RALGPS1: variants seen among roughly 807,000 people sequenced by gnomAD.
RALGPS1 encodes Ral GEF with PH domain and SH3 binding motif 1, also known as ras-specific guanine nucleotide-releasing factor RalGPS1.
In RALGPS1, 19 loss-of-function variants were observed where a neutral mutation model predicts 78.8. The observed-to-expected ratio is 0.24, with a 90% confidence interval of 0.17 to 0.35. RALGPS1 has a LOEUF of 0.35. Ranked by LOEUF, RALGPS1 falls within the 10% of genes least tolerant of loss-of-function variation. RALGPS1 has a pLI of 1.00. For missense variants in RALGPS1, 454 were observed against 688.3 expected, an observed-to-expected ratio of 0.66 and a Z score of 3.81; for synonymous variants, 228 against 256.3, an observed-to-expected ratio of 0.89 and a Z score of 1.06.
intron 1 of RALGPS1, among the ~76,000 whole-genome samples, chr9:126,959,683 A>G (rs944194522): frequency 6.6e-6 from 1 of 151,732 alleles, no homozygotes; most frequent in Non-Finnish European, 1.5e-5. Context: ...TACCCTCTTG[A>G]CTAGATTCAG....
chr9:127,011,024 A>T (rs2044289173), intron 4 of RALGPS1, among the ~76,000 whole-genome samples: 1 of 151,528 alleles, frequency 6.6e-6, no homozygotes. Context: ...TCTGGGGTGG[A>T]AGGAGTCCTA....
chr9:126,940,208 C>T (rs759780464), intron 1 of RALGPS1, among the ~76,000 whole-genome samples: 2 of 152,094 alleles, frequency 1.3e-5, no homozygotes, highest in Non-Finnish European at 2.9e-5. Context: ...CAGCCCGCCT[C>T]TCACTCCACT....
intron 4 of RALGPS1, among the ~76,000 whole-genome samples, chr9:126,979,562 G>A (rs990860198): frequency 8.5e-5 from 13 of 152,178 alleles, no homozygotes; most frequent in African/African-American, 2.9e-4. Flanking sequence ...ATCAAGGAGG[G>A]CAGCCCACCT....
chr9:127,049,544 T>C lies in RALGPS1; in HGVS notation c.301-499T>C, dbSNP rs565054873. Among the ~76,000 whole-genome samples the C allele has an allele frequency of 6.6e-5, 10 of 152,342 alleles. No homozygotes were observed. In the South Asian group the frequency reaches 1.9e-3, roughly 28 times the overall value. On this transcript the variant is annotated intron_variant, in intron 5 of 18. Coordinates refer to ENST00000259351, the MANE Select transcript of RALGPS1 (RefSeq NM_014636.3). Reference sequence around the variant, plus strand: ...GCCTCTCCCAAAAAATTAAATTTGTTAAAATTGTGCAAATATTGATGAATC... The same window carrying C: ...GCCTCTCCCAAAAAATTAAATTTGTCAAAATTGTGCAAATATTGATGAATC...
rs10665183 is a variant in RALGPS1 at position 126,953,374 on chromosome 9, C to CGTGT, written c.-65-8837_-65-8834dup. ...ATGTGTGTGCATGTACACGTGCATGCGTGTGTGTGTGTGTGTGCGCGTGTG... is the reference window on the plus strand; with the variant it reads ...ATGTGTGTGCATGTACACGTGCATGCGTGTGTGTGTGTGTGTGTGTGCGCGTGTG... On this transcript the variant is annotated intron_variant, in intron 1 of 18. Transcript: ENST00000259351. 1.8e-4 allele frequency among the ~76,000 whole-genome samples: 27 copies of CGTGT among 150,170 alleles called. 1 individual carries two copies. In the East Asian group the frequency reaches 2.8e-3, roughly 15 times the overall value.
intron 7 of RALGPS1, among the ~76,000 whole-genome samples, chr9:127,064,719 A>T (rs1194965546): frequency 1.3e-5 from 2 of 152,228 alleles, no homozygotes; most frequent in Non-Finnish European, 2.9e-5. Flanking sequence ...CCTCAAACAC[A>T]TTCATCATTA....
chr9:127,040,855 A>G (rs973463844), intron 5 of RALGPS1, among the ~76,000 whole-genome samples: 16 of 152,238 alleles, frequency 1.1e-4, no homozygotes, highest in African/African-American at 3.6e-4. Flanking sequence ...TATGTAGTTA[A>G]CATTCATCCA....
chr9:127,003,225 C>T (rs920222311), intron 4 of RALGPS1, among the ~76,000 whole-genome samples: 1 of 152,102 alleles, frequency 6.6e-6, no homozygotes, highest in Non-Finnish European at 1.5e-5. Context: ...AACTAAAGAG[C>T]TTCTGCACAG....
chr9:127,157,672 G>A (rs1474692772), intron 8 of RALGPS1, among the ~76,000 whole-genome samples: 1 of 151,884 alleles, frequency 6.6e-6, no homozygotes, highest in East Asian at 1.9e-4. Context: ...GAATGACATT[G>A]ATTTATGTAT....
intron 1 of RALGPS1, among the ~76,000 whole-genome samples, chr9:126,943,767 C>T (rs980761277): frequency 1.4e-4 from 22 of 152,190 alleles, no homozygotes; most frequent in African/African-American, 5.1e-4. Flanking sequence ...ACCTTGCCCA[C>T]CCTGCCTGTC....
intron 11 of RALGPS1, among the ~76,000 whole-genome samples, chr9:127,180,094 T>C (rs2060122625): frequency 6.6e-6 from 1 of 152,200 alleles, no homozygotes; most frequent in South Asian, 2.1e-4. Flanking sequence ...ACGTTTTCCA[T>C]TTTCCCTCCA....
chr9:127,009,287 A>G (rs1049446110), intron 4 of RALGPS1, among the ~76,000 whole-genome samples: 4 of 151,556 alleles, frequency 2.6e-5, no homozygotes, highest in African/African-American at 9.7e-5. Context: ...CCCCTGAACG[A>G]CTCTTTGTTC....
intron 1 of RALGPS1, among the ~76,000 whole-genome samples, chr9:126,956,066 T>TG (rs1203100990): frequency 6.6e-6 from 1 of 152,218 alleles, no homozygotes; most frequent in Non-Finnish European, 1.5e-5. Context: ...TGTCCCTGCA[T>TG]GGGGCCACTG....
intron 8 of RALGPS1, among the ~76,000 whole-genome samples, chr9:127,118,888 A>G (rs761908029): frequency 8.5e-5 from 13 of 152,048 alleles, no homozygotes; most frequent in African/African-American, 1.4e-4. Context: ...GTAGCTACCC[A>G]TTGCCATCTC....
intron 8 of RALGPS1, among the ~76,000 whole-genome samples, chr9:127,082,138 A>G (rs1387013823): frequency 6.6e-6 from 1 of 152,184 alleles, no homozygotes; most frequent in Non-Finnish European, 1.5e-5. Flanking sequence ...CACTACTGGA[A>G]CCCAGTTACC....
Position 127,090,332 on chromosome 9 carries a change from TC to T in RALGPS1, c.610+20979del, listed in dbSNP as rs1433338859. ...CAGAAAGGCTGTAGCAGCCCCTGTG[TC>T]CCAGGGTCTGACCAGCTCTGAAGGT... On this transcript the variant is annotated intron_variant, in intron 8 of 18. Coordinates refer to ENST00000259351, the MANE Select transcript of RALGPS1 (RefSeq NM_014636.3). Among the ~76,000 whole-genome samples, 3 of 152,372 alleles carry T rather than the reference TC, an allele frequency of 2.0e-5. No individual in the cohort carries two copies. The East Asian group carries it at 5.8e-4, about 29-fold the overall frequency.
At chr9:127,035,711 G>A (rs1255112963) in intron 5 of RALGPS1, among the ~76,000 whole-genome samples, 1 of 152,160 alleles carries the variant, frequency 6.6e-6, no homozygotes, top group Non-Finnish European at 1.5e-5. Flanking sequence ...GCACCAGCTT[G>A]TAGTTTGAAG....
chr9:127,082,436 A>AGCT (rs34402924), intron 8 of RALGPS1, among the ~76,000 whole-genome samples: 57,409 of 151,786 alleles, frequency 0.38, 12,528 homozygotes, highest in Non-Finnish European at 0.48. Flanking sequence ...TCTGGTATCA[A>AGCT]GCTGCTGCTG....
chr9:127,002,881 A>G (rs1213273565), intron 4 of RALGPS1, among the ~76,000 whole-genome samples: 2 of 151,918 alleles, frequency 1.3e-5, no homozygotes. Flanking sequence ...AGTCTTTGCT[A>G]TTGTGAATAA....
Sources: gnomAD v4.1 joint callset for allele counts (sites outside exome capture counted in the v4.1 genomes callset) on GRCh38, gnomAD v4.1.1 for gene constraint, MANE v1.5 for transcripts, NCBI Gene and HGNC (gene_info 2026-07-23, HGNC 2026-07-21) for gene names.